Variants in MAGI2 observed in about 807,000 individuals in gnomAD.
The protein encoded by MAGI2 is membrane-associated guanylate kinase, WW and PDZ domain-containing protein 2.
In MAGI2, 35 loss-of-function variants were observed where a neutral mutation model predicts 133.3. The ratio of observed to expected loss-of-function variants is 0.26; its 90% CI spans 0.20 to 0.35. The LOEUF (loss-of-function observed/expected upper bound fraction) is 0.35, where lower values mean the gene tolerates loss of function less well. Ranked by LOEUF, MAGI2 falls within the 10% of genes least tolerant of loss-of-function variation. The pLI is 1.00. For missense variants in MAGI2, 1,636 were observed against 1,863.4 expected (o/e 0.88, Z 2.25); for synonymous variants, 729 against 710.6 (o/e 1.03, Z -0.41).
intron 1 of MAGI2, among the ~76,000 whole-genome samples, chr7:79,257,185 C>T (rs1023969567): frequency 3.3e-5 from 5 of 151,884 alleles, no homozygotes; most frequent in African/African-American, 1.2e-4. Flanking sequence ...ATAATAGTCC[C>T]TTGCATTTAT....
chr7:78,271,563 G>A lies in MAGI2; in HGVS notation c.1409-14982C>T, dbSNP rs143274827. 9.1e-3 allele frequency among the ~76,000 whole-genome samples: 1,381 copies of A among 152,190 alleles called. 7 individuals are homozygous for A. Among genetic ancestry groups the A allele is most frequent in the Non-Finnish European group, 0.014 (983 of 67,982 alleles). ...CCTCTTTGTAGCTCTGGTAGAATTC[G>A]GCTGTGAATCTGTCTGGTCCTGGAC... is the stretch of plus-strand genomic sequence containing the variant. On this transcript the variant is annotated intron_variant, in intron 9 of 21. Transcript: ENST00000354212.
chr7:78,074,664 C>T (rs551594085), intron 21 of MAGI2, among the ~76,000 whole-genome samples: 14 of 152,284 alleles, frequency 9.2e-5, no homozygotes, highest in African/African-American at 3.4e-4. Flanking sequence ...AATTCTGCTA[C>T]TTAAGAATTT....
chr7:78,142,653 T>G (rs753160393), intron 16 of MAGI2, among the ~76,000 whole-genome samples: 1 of 152,200 alleles, frequency 6.6e-6, no homozygotes, highest in Non-Finnish European at 1.5e-5. Context: ...TAAGTAGATG[T>G]TAAGATAGAT....
intron 2 of MAGI2, among the ~76,000 whole-genome samples, chr7:78,956,514 TCTTTA>T (rs1291009554): frequency 3.3e-5 from 5 of 152,176 alleles, no homozygotes; most frequent in East Asian, 3.9e-4. Context: ...TTTCATATTA[TCTTTA>T]CTTCTGTTTT....
intron 1 of MAGI2, among the ~76,000 whole-genome samples, chr7:79,304,227 G>GTGTGTGTGTA (rs1837614047): frequency 6.6e-6 from 1 of 150,902 alleles, no homozygotes; most frequent in Non-Finnish European, 1.5e-5. Context: ...GTGTGTGTGT[G>GTGTGTGTGTA]TGTGTAGATT....
intron 1 of MAGI2, among the ~76,000 whole-genome samples, chr7:79,376,882 G>A (rs1393604519): frequency 6.6e-6 from 1 of 151,168 alleles, no homozygotes; most frequent in Non-Finnish European, 1.5e-5. Context: ...AACATCAAAA[G>A]TTATTCACCA....
chr7:78,778,396 T>G (rs1424361122), intron 2 of MAGI2, among the ~76,000 whole-genome samples: 2 of 152,216 alleles, frequency 1.3e-5, no homozygotes, highest in African/African-American at 2.4e-5. Flanking sequence ...CAAAATTCAG[T>G]AGAATAAACT....
At chr7:78,417,757 G>A (rs1396195439) in intron 6 of MAGI2, among the ~76,000 whole-genome samples, 1 of 152,044 alleles carries the variant, frequency 6.6e-6, no homozygotes, top group Non-Finnish European at 1.5e-5. Context: ...TCAATAGGTT[G>A]GATAAATTGT....
chr7:79,131,744 G>T (rs905506308), intron 1 of MAGI2, among the ~76,000 whole-genome samples: 1 of 152,024 alleles, frequency 6.6e-6, no homozygotes, highest in African/African-American at 2.4e-5. Context: ...TTTCGTTTTT[G>T]AATTTTTTAA....
intron 1 of MAGI2, among the ~76,000 whole-genome samples, chr7:79,239,365 T>G (rs1028462914): frequency 2.6e-5 from 4 of 152,168 alleles, no homozygotes; most frequent in African/African-American, 9.6e-5. Flanking sequence ...AAAGATAGAT[T>G]TTTTATTTCC....
chr7:79,343,115 C>A (rs1000351195), intron 1 of MAGI2, among the ~76,000 whole-genome samples: 1 of 152,042 alleles, frequency 6.6e-6, no homozygotes, highest in Admixed American at 6.6e-5. Flanking sequence ...AATTGAAATA[C>A]AAAAAGTTGC....
intron 16 of MAGI2, among the ~76,000 whole-genome samples, chr7:78,149,767 TATAAC>T (rs1200419912): frequency 7.2e-5 from 11 of 152,198 alleles, no homozygotes; most frequent in Non-Finnish European, 1.3e-4. Flanking sequence ...TGAACAGACT[TATAAC>T]AGAAGGTTTT....
At chr7:78,884,940 C>T (rs1201884506) in intron 2 of MAGI2, among the ~76,000 whole-genome samples, 2 of 152,072 alleles carry the variant, frequency 1.3e-5, no homozygotes, top group Non-Finnish European at 2.9e-5. Flanking sequence ...TAATGGTGAA[C>T]TGGATAAAGA....
At position 78,578,093 on chromosome 7, in the gene MAGI2, T is replaced by C. The variant is rs559783883; in HGVS notation, c.538+49027A>G. ...CTATATTTGTATATTTTATTGGTTT[T>C]CACTTTAAGTAGGGAAAATTTGGCA... On this transcript the variant is annotated intron_variant, in intron 3 of 21. Transcript: ENST00000354212. Among the ~76,000 whole-genome samples, 87 of 152,056 alleles carry C rather than the reference T, an allele frequency of 5.7e-4. 1 individual carries two copies. The highest frequency in any genetic ancestry group is 1.8e-3 in the African/African-American group (74 of 41,492).
chr7:78,527,727 A>G (rs1015910429), intron 3 of MAGI2, among the ~76,000 whole-genome samples: 3 of 152,200 alleles, frequency 2.0e-5, no homozygotes, highest in African/African-American at 7.2e-5. Flanking sequence ...TTTAAACAAG[A>G]TCAGTTTTCA....
At chr7:79,234,904 T>G (rs1402069271) in intron 1 of MAGI2, among the ~76,000 whole-genome samples, 1 of 152,008 alleles carries the variant, frequency 6.6e-6, no homozygotes, top group Non-Finnish European at 1.5e-5. Flanking sequence ...TCTGTTCTGT[T>G]TTTTCCCTAT....
intron 3 of MAGI2, among the ~76,000 whole-genome samples, chr7:78,609,006 C>T (rs1806136117): frequency 6.6e-6 from 1 of 152,268 alleles, no homozygotes. Context: ...AACTGAAGAA[C>T]TTGGAGTCCA....
intron 1 of MAGI2, among the ~76,000 whole-genome samples, chr7:79,274,561 T>C (rs1563068741): frequency 6.9e-6 from 1 of 145,154 alleles, no homozygotes; most frequent in East Asian, 2.0e-4. Context: ...CAAACAGGGA[T>C]CCATATATAT....
At chr7:79,121,448 T>C (rs1006139420) in intron 1 of MAGI2, among the ~76,000 whole-genome samples, 1 of 152,122 alleles carries the variant, frequency 6.6e-6, no homozygotes, top group African/African-American at 2.4e-5. Flanking sequence ...TTTTACTTAA[T>C]TCTTTGGAGA....
Sources: gnomAD v4.1 joint callset for allele counts (sites outside exome capture counted in the v4.1 genomes callset) on GRCh38, gnomAD v4.1.1 for gene constraint, MANE v1.5 for transcripts, NCBI Gene and HGNC (gene_info 2026-07-23, HGNC 2026-07-21) for gene names.